The following DLG2 variants were observed in gnomAD, a reference collection of about 807,000 sequenced individuals.
DLG2 encodes the protein disks large homolog 2.
DLG2 carries 45 observed loss-of-function variants against 132.5 expected under a neutral mutation model. The observed-to-expected ratio is 0.34, with a 90% CI of 0.27 to 0.44. DLG2 has a LOEUF of 0.44. DLG2 is among the 20% of genes least tolerant of loss of function. The pLI, the probability that DLG2 is intolerant of heterozygous loss-of-function variation, is 1.00. For synonymous variants in DLG2, 424 were observed against 419.6 expected, an observed-to-expected ratio of 1.01 and a Z score of -0.13; for missense variants, 1,045 against 1,196.9, an observed-to-expected ratio of 0.87 and a Z score of 1.87.
At chr11:85,344,962 T>G (rs551253833) in intron 3 of DLG2, among the ~76,000 whole-genome samples, 1 of 151,408 alleles carries the variant, frequency 6.6e-6, no homozygotes, top group East Asian at 1.9e-4. Context: ...AATACATAAT[T>G]TTAAACAAAA....
chr11:84,037,062 T>TGC (rs1389980604), intron 11 of DLG2, among the ~76,000 whole-genome samples: 1 of 152,136 alleles, frequency 6.6e-6, no homozygotes, highest in Non-Finnish European at 1.5e-5. Context: ...ATATGACAGA[T>TGC]AAGCAAGTGA....
intron 17 of DLG2, among the ~76,000 whole-genome samples, chr11:83,804,579 G>GACACACACACTCACACAC (rs2045410065): frequency 1.4e-5 from 2 of 142,030 alleles, no homozygotes; most frequent in Non-Finnish European, 3.0e-5. Context: ...CCTAGCAGAA[G>GACACACACACTCACACAC]ACACACACAC....
intron 11 of DLG2, among the ~76,000 whole-genome samples, chr11:83,996,512 C>G (rs2094033007): frequency 6.6e-6 from 1 of 152,190 alleles, no homozygotes; most frequent in Non-Finnish European, 1.5e-5. Context: ...GCGATATCTG[C>G]ACTCTCATGC....
chr11:85,021,479 T>C (rs1207090424), intron 6 of DLG2: 15 of 1,439,550 alleles, frequency 1.0e-5, no homozygotes, highest in Non-Finnish European at 1.4e-5. Flanking sequence ...TTTCTCTCAT[T>C]AACATACTGA....
intron 4 of DLG2, among the ~76,000 whole-genome samples, chr11:85,257,325 T>C (rs1249099896): frequency 6.6e-6 from 1 of 152,218 alleles, no homozygotes; most frequent in Non-Finnish European, 1.5e-5. Context: ...TTCAGAATGC[T>C]GTGGAATGAG....
chr11:83,455,168 A>T (rs1445590663), downstream of DLG2: 1 of 152,688 alleles, frequency 6.5e-6, no homozygotes, highest in Non-Finnish European at 1.5e-5. Flanking sequence ...TATGAAATAT[A>T]CATCTTGATT....
At chr11:85,362,233 G>C (rs759188712) in intron 3 of DLG2, among the ~76,000 whole-genome samples, 7 of 152,142 alleles carry the variant, frequency 4.6e-5, no homozygotes, top group African/African-American at 1.7e-4. Context: ...GGAATTATAC[G>C]CATAAGCTAT....
At chr11:85,085,079 T>C (rs2067743554) in intron 6 of DLG2, among the ~76,000 whole-genome samples, 1 of 152,152 alleles carries the variant, frequency 6.6e-6, no homozygotes, top group African/African-American at 2.4e-5. Context: ...TGGTTATTTT[T>C]TCACAATCAT....
At chr11:84,349,476 T>TAA (rs11458779) in intron 7 of DLG2, among the ~76,000 whole-genome samples, 33 of 151,642 alleles carry the variant, frequency 2.2e-4, no homozygotes, top group Non-Finnish European at 3.8e-4. Context: ...ATTTTATTAG[T>TAA]AAAATATCAC....
At chr11:84,131,727 A>G (rs1016807628) in intron 9 of DLG2, among the ~76,000 whole-genome samples, 31 of 151,978 alleles carry the variant, frequency 2.0e-4, no homozygotes, top group African/African-American at 7.5e-4. Context: ...AGAAATCAGG[A>G]AACAAAAGGA....
chr11:83,682,465 T>C, intron 18 of DLG2: 1 of 983,792 alleles, frequency 1.0e-6, no homozygotes, highest in African/African-American at 1.7e-5. Context: ...GTGTTTGGGA[T>C]GTACCACTAT....
intron 6 of DLG2, among the ~76,000 whole-genome samples, chr11:85,052,553 T>C (rs945766376): frequency 6.6e-6 from 1 of 152,196 alleles, no homozygotes; most frequent in African/African-American, 2.4e-5. Flanking sequence ...GATATAGCAG[T>C]GAATGTTTTG....
intron 11 of DLG2, among the ~76,000 whole-genome samples, chr11:84,004,863 A>T (rs1343007485): frequency 2.0e-5 from 3 of 151,740 alleles, no homozygotes; most frequent in Non-Finnish European, 4.4e-5. Flanking sequence ...AGCAATCTAC[A>T]GATTCAATGC....
At chr11:83,826,836 G>C (rs1228972938) in intron 17 of DLG2, among the ~76,000 whole-genome samples, 2 of 152,282 alleles carry the variant, frequency 1.3e-5, no homozygotes, top group Non-Finnish European at 2.9e-5. Context: ...TGTGGCTTAG[G>C]TGAAAGGTTT....
At chr11:84,075,847 T>C (rs528469699) in intron 10 of DLG2, among the ~76,000 whole-genome samples, 17 of 152,330 alleles carry the variant, frequency 1.1e-4, no homozygotes, top group African/African-American at 3.8e-4. Context: ...TGACACATTT[T>C]GAGATTATTG....
intron 13 of DLG2, among the ~76,000 whole-genome samples, chr11:83,964,450 T>G (rs2089704980): frequency 6.6e-6 from 1 of 151,976 alleles, no homozygotes; most frequent in East Asian, 1.9e-4. Flanking sequence ...AACATGTAAG[T>G]CTGAGAGAAC....
chr11:83,731,789 G>C (rs577096260), intron 18 of DLG2, among the ~76,000 whole-genome samples: 1 of 152,086 alleles, frequency 6.6e-6, no homozygotes, highest in African/African-American at 2.4e-5. Flanking sequence ...CCACAGCCTC[G>C]CCAGCATCTA....
chr11:84,474,082 C>T (rs755408754), intron 7 of DLG2, among the ~76,000 whole-genome samples: 18 of 151,934 alleles, frequency 1.2e-4, no homozygotes, highest in Non-Finnish European at 1.9e-4. Context: ...CTGAAAACCT[C>T]CTCTTTCATA....
At chr11:85,247,465 A>C (rs1216752703) in intron 4 of DLG2, among the ~76,000 whole-genome samples, 1 of 151,906 alleles carries the variant, frequency 6.6e-6, no homozygotes, top group Non-Finnish European at 1.5e-5. Flanking sequence ...ACAAGTCCTA[A>C]ACCCTGATAC....
Sources: allele counts gnomAD v4.1 joint callset (sites outside exome capture counted in the v4.1 genomes callset), GRCh38; gene constraint gnomAD v4.1.1; transcripts MANE v1.5; gene names NCBI Gene and HGNC (gene_info 2026-07-23, HGNC 2026-07-21).